The following SSBP3 variants were observed in gnomAD, a reference collection of about 807,000 sequenced individuals.
SSBP3 encodes single stranded DNA binding protein 3, also known as single-stranded DNA-binding protein 3.
In SSBP3, 5 loss-of-function variants were observed where a neutral mutation model predicts 69.6. The ratio of observed to expected loss-of-function variants is 0.07; its 90% confidence interval spans 0.04 to 0.15. SSBP3 has a LOEUF of 0.15. Ranked by LOEUF, SSBP3 falls within the 10% of genes least tolerant of loss-of-function variation. The pLI is 1.00. For missense variants in SSBP3, 312 were observed against 534.0 expected (o/e 0.58, Z 4.10); for synonymous variants, 196 against 193.4 (o/e 1.01, Z -0.11).
chr1:54,237,462 T>C (rs558923422), intron 14 of SSBP3: 10 of 152,338 alleles, frequency 6.6e-5, no homozygotes, highest in Middle Eastern at 3.4e-3. Flanking sequence ...TTTAGAAAGA[T>C]ATGCCTCAGA....
At chr1:54,396,691 T>C (rs973834930) in intron 4 of SSBP3, among the ~76,000 whole-genome samples, 3 of 152,162 alleles carry the variant, frequency 2.0e-5, no homozygotes, top group African/African-American at 7.2e-5. Flanking sequence ...TGGTCCAAGT[T>C]TGCAAATGCT....
intron 4 of SSBP3, among the ~76,000 whole-genome samples, chr1:54,321,591 C>T (rs1439633274): frequency 2.6e-5 from 4 of 152,266 alleles, no homozygotes; most frequent in Non-Finnish European, 5.9e-5. Context: ...GACTGCACTT[C>T]GGTTTTCTCC....
intron 4 of SSBP3, among the ~76,000 whole-genome samples, chr1:54,308,541 C>A (rs962535877): frequency 4.7e-5 from 7 of 147,804 alleles, no homozygotes; most frequent in Admixed American, 1.4e-4. Context: ...GCGGAGCTTG[C>A]AGTGAGCCAA....
At chr1:54,390,438 C>T (rs1459521943) in intron 4 of SSBP3, among the ~76,000 whole-genome samples, 1 of 152,150 alleles carries the variant, frequency 6.6e-6, no homozygotes, top group African/African-American at 2.4e-5. Flanking sequence ...CAAAATAACA[C>T]CAAAGAAAGT....
At chr1:54,310,983 T>C (rs1013630959) in intron 4 of SSBP3, among the ~76,000 whole-genome samples, 1 of 152,174 alleles carries the variant, frequency 6.6e-6, no homozygotes, top group Non-Finnish European at 1.5e-5. Context: ...CCACCCACAA[T>C]CTCTCTAGAA....
intron 4 of SSBP3, among the ~76,000 whole-genome samples, chr1:54,303,440 C>T (rs950888125): frequency 6.6e-6 from 1 of 152,184 alleles, no homozygotes; most frequent in Admixed American, 6.5e-5. Context: ...TCAATGTAAA[C>T]AATCACCCGC....
At chr1:54,317,511 T>G (rs1646134175) in intron 4 of SSBP3, among the ~76,000 whole-genome samples, 1 of 151,334 alleles carries the variant, frequency 6.6e-6, no homozygotes, top group Non-Finnish European at 1.5e-5. Flanking sequence ...CACTCCAGCC[T>G]GGGTGATAGA....
In SSBP3 at chr1:54,240,047, G is replaced by GTGT. The variant is rs1553123140; in HGVS notation, c.857-849_857-848insACA. Among the ~76,000 whole-genome samples, 128 of 77,782 alleles carry GTGT rather than the reference G, an allele frequency of 1.6e-3. 1 individual carries two copies. The highest frequency in any genetic ancestry group is 6.0e-3 in the African/African-American group (112 of 18,660). 51.0% of individuals were successfully genotyped at this position (77,782 alleles called of 152,430 possible). The stretch of plus-strand genomic sequence containing the variant: ...TGGGAAAGAAACATAATTGTGATGG[G>GTGT]GTGTGTGTGTGTGTGTGTGTGTGTG... On this transcript the variant is annotated intron_variant, in intron 13 of 17. Transcript: ENST00000610401.
chr1:54,240,103 TGCGTGCGCGCGCGCGCGCAAC>T (rs1644596521), intron 13 of SSBP3, among the ~76,000 whole-genome samples: 1 of 22,158 alleles, frequency 4.5e-5, no homozygotes, highest in Non-Finnish European at 2.3e-4. Flanking sequence ...CGCGCGCGTG[TGCGTGCGCGCGCGCGCGCAAC>T]ACATGCCCAC....
intron 4 of SSBP3, among the ~76,000 whole-genome samples, chr1:54,338,896 G>A (rs528155283): frequency 1.3e-5 from 2 of 152,258 alleles, no homozygotes; most frequent in East Asian, 3.9e-4. Flanking sequence ...TTTTTCACAG[G>A]TACCTGAAAC....
At chr1:54,391,260 G>A (rs1183176959) in intron 4 of SSBP3, among the ~76,000 whole-genome samples, 1 of 152,212 alleles carries the variant, frequency 6.6e-6, no homozygotes, top group Non-Finnish European at 1.5e-5. Context: ...AGCTGGAGGG[G>A]CAGAAAAAAG....
intron 4 of SSBP3, among the ~76,000 whole-genome samples, chr1:54,383,835 G>A (rs1056915302): frequency 6.6e-6 from 1 of 151,956 alleles, no homozygotes; most frequent in Non-Finnish European, 1.5e-5. Flanking sequence ...GGCCGGGCAC[G>A]GTGGCTCACG....
In SSBP3 at chr1:54,353,010, G is replaced by A. The variant is rs900186607; in HGVS notation, c.276+48851C>T. 3.9e-5 allele frequency among the ~76,000 whole-genome samples: 6 copies of A among 152,188 alleles called. No homozygotes were observed. In the East Asian group the frequency reaches 1.2e-3, roughly 29 times the overall value. ...ACTGCAGGAGAGACAGGAGGCAGTA[G>A]GTGACGCGGGGAGGCGGCCCGACCG... On this transcript the variant is annotated intron_variant, in intron 4 of 17. Transcript: ENST00000610401.
At chr1:54,275,765 G>A (rs989377712) in intron 5 of SSBP3, among the ~76,000 whole-genome samples, 2 of 152,206 alleles carry the variant, frequency 1.3e-5, no homozygotes, top group African/African-American at 4.8e-5. Flanking sequence ...GACTTGGAAT[G>A]TGGGGCTGAG....
intron 4 of SSBP3, among the ~76,000 whole-genome samples, chr1:54,369,085 A>G (rs942431984): frequency 3.9e-5 from 6 of 152,246 alleles, no homozygotes; most frequent in Non-Finnish European, 1.5e-5. Context: ...CATTTAAAGA[A>G]AAGCTCTTTC....
chr1:54,404,434 G>T (rs1373830908), intron 3 of SSBP3, 142 bp downstream of exon 3: 3 of 925,718 alleles, frequency 3.2e-6, no homozygotes, highest in Admixed American at 2.3e-5. Flanking sequence ...CAGCTGGGCC[G>T]GAGTGCCTCG....
upstream of SSBP3, chr1:54,406,547 C>T (rs1331055128): frequency 1.3e-5 from 2 of 151,964 alleles, no homozygotes; most frequent in African/African-American, 4.8e-5. Flanking sequence ...CCGCGGCAGT[C>T]CCCGCTGCGG....
chr1:54,286,221 C>T (rs576272463), intron 4 of SSBP3: 1 of 152,160 alleles, frequency 6.6e-6, no homozygotes, highest in Non-Finnish European at 1.5e-5. Flanking sequence ...CAATGCTTAT[C>T]CACTTTTTGG....
intron 4 of SSBP3, among the ~76,000 whole-genome samples, chr1:54,397,102 T>C (rs185978099): frequency 2.9e-4 from 44 of 152,354 alleles, no homozygotes; most frequent in African/African-American, 1.0e-3. Context: ...GTTTTTAATC[T>C]GCCACACAAG....
Sources: allele counts gnomAD v4.1 joint callset (sites outside exome capture counted in the v4.1 genomes callset), GRCh38; gene constraint gnomAD v4.1.1; transcripts MANE v1.5; gene names NCBI Gene and HGNC (gene_info 2026-07-23, HGNC 2026-07-21).